The following FAM53A variants were observed in gnomAD, a reference collection of about 807,000 sequenced individuals.
The protein encoded by FAM53A is family with sequence similarity 53 member A, also known as protein FAM53A.
Under a neutral mutation model 26.6 loss-of-function variants are expected in FAM53A, and 28 were observed. The ratio of observed to expected loss-of-function variants is 1.05; its 90% CI spans 0.78 to 1.45. The LOEUF is 1.45. FAM53A is among the 40% of genes most tolerant of loss of function. FAM53A has a pLI of 0.00. For missense variants in FAM53A, 650 were observed against 575.8 expected, an observed-to-expected ratio of 1.13 and a Z score of -1.32; for synonymous variants, 290 against 253.1, an observed-to-expected ratio of 1.15 and a Z score of -1.38.
chr4:1,589,435 G>T, the FAM53A span, among the ~76,000 whole-genome samples: 2 of 151,984 alleles, frequency 1.3e-5, no homozygotes, highest in African/African-American at 4.8e-5. Context: ...TCTGATTTTG[G>T]AATAAGAGTG....
chr4:1,575,004 C>G, the FAM53A span, among the ~76,000 whole-genome samples: 3 of 152,266 alleles, frequency 2.0e-5, no homozygotes, highest in Non-Finnish European at 1.5e-5. Context: ...CAGAAGCAAC[C>G]TGCACATCTA....
chr4:1,673,298 A>G (rs922324002), intron 1 of FAM53A, among the ~76,000 whole-genome samples: 3 of 152,274 alleles, frequency 2.0e-5, no homozygotes, highest in Non-Finnish European at 4.4e-5. Flanking sequence ...TGCCAGCACC[A>G]TGCCACACTG....
chr4:1,606,522 C>T, the FAM53A span, among the ~76,000 whole-genome samples: 1 of 152,168 alleles, frequency 6.6e-6, no homozygotes, highest in Non-Finnish European at 1.5e-5. Flanking sequence ...AGACCCCAGA[C>T]CCCCAGAGTG....
chr4:1,680,281 T>C (rs977072034), intron 1 of FAM53A, among the ~76,000 whole-genome samples: 10 of 127,308 alleles, frequency 7.9e-5, no homozygotes, highest in African/African-American at 2.9e-4. Flanking sequence ...ATCGCACCAT[T>C]GCACTCCAGC....
At chr4:1,648,606 T>C (rs1712452640) in intron 4 of FAM53A, among the ~76,000 whole-genome samples, 1 of 152,144 alleles carries the variant, frequency 6.6e-6, no homozygotes, top group African/African-American at 2.4e-5. Flanking sequence ...CAGAAAGCGA[T>C]GACTACGGTC....
intron 1 of FAM53A, among the ~76,000 whole-genome samples, chr4:1,632,939 G>A (rs1715672340): frequency 6.6e-6 from 1 of 152,212 alleles, no homozygotes; most frequent in African/African-American, 2.4e-5. Context: ...AGGCACATAT[G>A]CACACACGTG....
At chr4:1,608,617 A>C in the FAM53A span, among the ~76,000 whole-genome samples, 6,179 of 152,098 alleles carry the variant, frequency 0.041, 369 homozygotes, top group African/African-American at 0.14. Flanking sequence ...GCAGTGGCTG[A>C]AACCCAAGGA....
At chr4:1,618,196 A>T in intron 1 of FAM53A, 1 of 455,466 alleles carries the variant, frequency 2.2e-6, no homozygotes, top group South Asian at 1.6e-5. Context: ...CCTCGCAGAG[A>T]CAGTGAGGCT....
At chr4:1,605,015 C>T in the FAM53A span, among the ~76,000 whole-genome samples, 23 of 152,302 alleles carry the variant, frequency 1.5e-4, 1 homozygote, top group Admixed American at 1.4e-3. The surrounding 1 kb of genome is among the most constrained non-coding windows in gnomAD (Gnocchi z 5.7). Context: ...GGGACACCTG[C>T]CTGCTGGCAT....
chr4:1,593,514 G>T, the FAM53A span, among the ~76,000 whole-genome samples: 1 of 152,202 alleles, frequency 6.6e-6, no homozygotes, highest in African/African-American at 2.4e-5. Context: ...TATCCAGCTT[G>T]TATCAGCTGA....
chr4:1,603,408 G>A, the FAM53A span, among the ~76,000 whole-genome samples: 1 of 152,200 alleles, frequency 6.6e-6, no homozygotes, highest in East Asian at 1.9e-4. Context: ...GCAACAGAGA[G>A]GCGGGGACAG....
In FAM53A at chr4:1,655,164, C is replaced by A. The variant is rs577321671; in HGVS notation, c.696G>T (p.Ala232=). ...PSLSQERLAG[A]GTPLPWASSS... is the part of the protein sequence containing the mutation. The stretch of plus-strand genomic sequence containing the variant: ...TGCTGGCCCAGGGCAGGGGAGTGCC[C>A]GCACCCGCGAGTCGCTCCTGTGAGA... The change falls in exon 4 of 5, where the codon GCG becomes GCT. Residue 232 remains alanine (A), a synonymous_variant. Transcript: ENST00000308132. 8.3e-6 allele frequency: 13 copies of A among 1,574,818 alleles called. No homozygotes were observed. In the South Asian group the frequency reaches 1.5e-4, roughly 18 times the overall value.
rs887960095 is a variant in FAM53A, at chr4:1,668,124, T to A, written c.75+543A>T. ...AGTCAGCCTTTCAGTAAAACTCTATTTTTTTAAATAGCAAGTCAAGGCTCT... is the reference window on the plus strand; with the variant it reads ...AGTCAGCCTTTCAGTAAAACTCTATATTTTTAAATAGCAAGTCAAGGCTCT... On this transcript the variant is annotated intron_variant, in intron 2 of 4. Coordinates refer to ENST00000308132, the MANE Select transcript of FAM53A (RefSeq NM_001174070.3). Among the ~76,000 whole-genome samples the A allele has an allele frequency of 2.1e-5, 3 of 143,934 alleles. No individual in the cohort carries two copies. In the Middle Eastern group the frequency reaches 0.011, roughly 510 times the overall value. 94.4% of individuals were successfully genotyped at this position (143,934 alleles called of 152,430 possible). A position where few individuals can be genotyped will look rare whatever the true frequency, so the allele number is the denominator to read the frequency against.
Position 1,641,196 on chromosome 4 carries a change from T to C in FAM53A, c.*97A>G. On this transcript the variant is annotated 3_prime_UTR_variant, in exon 5 of 5. Transcript: ENST00000308132. ...AACCTACTCTGTGCCCCAGGGCAGG[T>C]GCCGGGCCGTGGCCCCGACCAGCTC... The C allele has an allele frequency of 1.1e-6, 1 of 909,754 alleles. No homozygotes were observed. The highest frequency in any genetic ancestry group is 1.5e-6 in the Non-Finnish European group (1 of 673,528). 56.4% of individuals were successfully genotyped at this position (909,754 alleles called of 1,614,324 possible).
At chr4:1,593,552 T>C in the FAM53A span, among the ~76,000 whole-genome samples, 2 of 152,220 alleles carry the variant, frequency 1.3e-5, no homozygotes, top group Admixed American at 6.5e-5. Flanking sequence ...AAGGGACTTA[T>C]CTCTTTAGGG....
At chr4:1,578,747 G>GAGGGC in the FAM53A span, among the ~76,000 whole-genome samples, 4 of 142,946 alleles carry the variant, frequency 2.8e-5, no homozygotes, top group African/African-American at 1.0e-4. Context: ...GAAGGGAGGG[G>GAGGGC]AGGGCAGGGC....
the FAM53A span, among the ~76,000 whole-genome samples, chr4:1,605,798 G>A: frequency 6.6e-6 from 1 of 152,132 alleles, no homozygotes; most frequent in Non-Finnish European, 1.5e-5. This position sits in a 1 kb window ranked among gnomAD's most constrained non-coding sequence, Gnocchi z 5.7. Flanking sequence ...GTTGCTGACT[G>A]GCGCACCCCT....
chr4:1,684,571 A>G (rs1715687792), upstream of FAM53A, among the ~76,000 whole-genome samples: 1 of 151,140 alleles, frequency 6.6e-6, no homozygotes, highest in Non-Finnish European at 1.5e-5. Flanking sequence ...CGTGCCTGGC[A>G]CTCGGCGGCG....
At chr4:1,646,093 G>T (rs1381468156) in intron 4 of FAM53A, among the ~76,000 whole-genome samples, 1 of 151,636 alleles carries the variant, frequency 6.6e-6, no homozygotes, top group African/African-American at 2.4e-5. Context: ...TGGGCTCCCA[G>T]CCTCCAGAAC....
Sources: allele counts gnomAD v4.1 joint callset (sites outside exome capture counted in the v4.1 genomes callset), GRCh38; gene constraint gnomAD v4.1.1; non-coding constraint Gnocchi (gnomAD v3.1); transcripts MANE v1.5; gene names NCBI Gene and HGNC (gene_info 2026-07-23, HGNC 2026-07-21).